Variants in MIPOL1 observed in about 807,000 individuals in gnomAD.
MIPOL1 encodes the protein mirror-image polydactyly 1.
In MIPOL1, 57 loss-of-function variants were observed where a neutral mutation model predicts 60.9. The observed-to-expected ratio is 0.94, with a 90% CI of 0.76 to 1.17. The LOEUF is 1.17. Ranked by LOEUF, MIPOL1 falls within the 50% of genes most tolerant of loss-of-function variation. MIPOL1 has a pLI of 0.00. For missense variants in MIPOL1, 551 were observed against 511.6 expected, an observed-to-expected ratio of 1.08 and a Z score of -0.74; for synonymous variants, 179 against 168.8, an observed-to-expected ratio of 1.06 and a Z score of -0.47.
At chr14:37,525,783 A>C (rs1469754613) in intron 12 of MIPOL1, among the ~76,000 whole-genome samples, 2 of 152,190 alleles carry the variant, frequency 1.3e-5, no homozygotes, top group African/African-American at 4.8e-5. Flanking sequence ...AGCTTTCTGA[A>C]CTTTGAAATT....
chr14:37,203,311 A>AT (rs1965598779), intron 1 of MIPOL1, among the ~76,000 whole-genome samples: 1 of 152,186 alleles, frequency 6.6e-6, no homozygotes, highest in South Asian at 2.1e-4. Context: ...CTTTTGTGAA[A>AT]TGAGGCCTTT....
chr14:37,386,179 CTG>C (rs2093061249), intron 10 of MIPOL1, among the ~76,000 whole-genome samples: 1 of 151,908 alleles, frequency 6.6e-6, no homozygotes, highest in African/African-American at 2.4e-5. Context: ...TCATATGACT[CTG>C]AAATATTATA....
intron 12 of MIPOL1, among the ~76,000 whole-genome samples, chr14:37,510,271 G>C (rs2153622733): frequency 6.6e-6 from 1 of 152,160 alleles, no homozygotes; most frequent in Middle Eastern, 3.4e-3. Context: ...TTATGAGACA[G>C]GGTCTTGCTC....
At chr14:37,249,227 G>C (rs144242395) in intron 3 of MIPOL1, among the ~76,000 whole-genome samples, 6 of 152,086 alleles carry the variant, frequency 3.9e-5, no homozygotes, top group Admixed American at 2.0e-4. Context: ...TTAAAAAATA[G>C]GATTCTTATT....
chr14:37,285,586 T>G, intron 7 of MIPOL1, 139 bp downstream of exon 7: 1 of 892,794 alleles, frequency 1.1e-6, no homozygotes, highest in South Asian at 2.4e-5. Context: ...TCTTTTTCTT[T>G]TTTTCTTTTC....
intron 11 of MIPOL1, among the ~76,000 whole-genome samples, chr14:37,436,888 G>T (rs2094171450): frequency 6.6e-6 from 1 of 152,132 alleles, no homozygotes; most frequent in African/African-American, 2.4e-5. Flanking sequence ...TCATGAACTA[G>T]TTCTCTAAAG....
chr14:37,547,188 T>A lies in MIPOL1; in HGVS notation c.*217T>A. On this transcript the variant is annotated 3_prime_UTR_variant, in exon 13 of 13. Coordinates refer to ENST00000684589, the MANE Select transcript of MIPOL1 (RefSeq NM_001388067.1). ...TCCAAATATATTAACTATAGACTTT[T>A]ACCAATGGGTAGCTATAAGGTTACA... The A allele has an allele frequency of 4.0e-6, 2 of 503,860 alleles. No homozygotes were observed. Among genetic ancestry groups the A allele is most frequent in the Non-Finnish European group, 7.0e-6 (2 of 284,488 alleles). The allele number at this position is 503,860 out of a possible 1,614,324, so 31.2% of individuals were successfully genotyped here.
intron 12 of MIPOL1, among the ~76,000 whole-genome samples, chr14:37,543,524 G>A (rs974059863): frequency 1.3e-5 from 2 of 152,016 alleles, no homozygotes; most frequent in East Asian, 1.9e-4. Flanking sequence ...TGATCTGCCC[G>A]TCTCGGCCTC....
intron 9 of MIPOL1, among the ~76,000 whole-genome samples, chr14:37,338,501 C>T (rs2090353661): frequency 6.8e-6 from 1 of 147,572 alleles, no homozygotes. Flanking sequence ...CTCTGCCTCC[C>T]AGATTCAAGT....
At chr14:37,446,648 A>C (rs912131107) in intron 11 of MIPOL1, among the ~76,000 whole-genome samples, 1 of 152,194 alleles carries the variant, frequency 6.6e-6, no homozygotes, top group African/African-American at 2.4e-5. Context: ...GGCACTATTC[A>C]CAATAGCAAA....
At chr14:37,493,747 G>A (rs7153426) in intron 11 of MIPOL1, among the ~76,000 whole-genome samples, 117,180 of 152,142 alleles carry the variant, frequency 0.77, 45,666 homozygotes, top group African/African-American at 0.89. Context: ...TACCTCATTA[G>A]CTTCCTGGTT....
intron 1 of MIPOL1, among the ~76,000 whole-genome samples, chr14:37,211,415 A>AAAACAC (rs1234563374): frequency 3.3e-5 from 5 of 152,088 alleles, no homozygotes; most frequent in Non-Finnish European, 7.4e-5. Flanking sequence ...TGGGGGAGAG[A>AAAACAC]AAACACAACA....
intron 11 of MIPOL1, among the ~76,000 whole-genome samples, chr14:37,491,540 C>A (rs2153606250): frequency 6.6e-6 from 1 of 152,212 alleles, no homozygotes; most frequent in South Asian, 2.1e-4. Context: ...AAAAAACCTC[C>A]AAAAATTTAG....
At chr14:37,198,289 T>G (rs962925025) in intron 1 of MIPOL1, 185 bp downstream of exon 1, 3 of 152,446 alleles carry the variant, frequency 2.0e-5, no homozygotes, top group African/African-American at 7.2e-5. Context: ...GTCAGTGTCG[T>G]GGGGTCCTCA....
Position 37,394,076 on chromosome 14 carries a change from ATATATATATCTC to A in MIPOL1, c.936+24453_936+24464del, listed in dbSNP as rs1180186469. ...TAGTGGCATATATATATATATATAT[ATATATATATCTC>A]CATGTTCTATCATATATATATATCC... On this transcript the variant is annotated intron_variant, in intron 10 of 12. Transcript: ENST00000684589. Among the ~76,000 whole-genome samples the A allele has an allele frequency of 4.4e-5, 6 of 136,440 alleles. No individual in the cohort carries two copies. In the South Asian group the frequency reaches 1.4e-3, roughly 32 times the overall value. The allele number at this position is 136,440 out of a possible 152,430, so 89.5% of individuals were successfully genotyped here. A position where few individuals can be genotyped will look rare whatever the true frequency, so the allele number is the denominator to read the frequency against.
intron 9 of MIPOL1, among the ~76,000 whole-genome samples, chr14:37,347,912 C>G (rs2091061755): frequency 6.6e-6 from 1 of 152,016 alleles, no homozygotes; most frequent in Non-Finnish European, 1.5e-5. Flanking sequence ...GTTAATAAAA[C>G]TTTTTCTTTT....
rs117169772 is a variant in MIPOL1, at chr14:37,346,474, A to G, written c.829-23043A>G. Among the ~76,000 whole-genome samples the G allele has an allele frequency of 1.4e-3, 211 of 152,302 alleles. 4 individuals are homozygous for G. In the East Asian group the frequency reaches 0.038, roughly 27 times the overall value. On this transcript the variant is annotated intron_variant, in intron 9 of 12. Coordinates refer to ENST00000684589, the MANE Select transcript of MIPOL1 (RefSeq NM_001388067.1). ...AATATGGATAAATACCCTCAGTGTA[A>G]AACAGCTTTATTATTTTTATATTAT...
intron 11 of MIPOL1, among the ~76,000 whole-genome samples, chr14:37,457,328 A>G (rs956423565): frequency 6.6e-6 from 1 of 152,208 alleles, no homozygotes; most frequent in African/African-American, 2.4e-5. Flanking sequence ...AGTGCCTTGA[A>G]CAGTCTGGCA....
At chr14:37,273,032 ATAT>A (rs2083407895) in intron 6 of MIPOL1, among the ~76,000 whole-genome samples, 1 of 151,266 alleles carries the variant, frequency 6.6e-6, no homozygotes, top group East Asian at 1.9e-4. Flanking sequence ...TATTCATATA[ATAT>A]TAGTTGCAAT....
Sources: gnomAD v4.1 joint callset for allele counts (sites outside exome capture counted in the v4.1 genomes callset) on GRCh38, gnomAD v4.1.1 for gene constraint, MANE v1.5 for transcripts, NCBI Gene and HGNC (gene_info 2026-07-23, HGNC 2026-07-21) for gene names.